CIRBP: variants seen among roughly 807,000 people sequenced by gnomAD.
The protein encoded by CIRBP is cold-inducible RNA-binding protein.
CIRBP carries 11 observed loss-of-function variants against 22.3 expected under a neutral mutation model. The ratio of observed to expected loss-of-function variants is 0.49; its 90% CI spans 0.31 to 0.82. The LOEUF is 0.82. CIRBP is among the 40% of genes least tolerant of loss of function. CIRBP has a pLI of 0.05. For missense variants in CIRBP, 456 were observed against 402.7 expected (o/e 1.13, Z -1.13); for synonymous variants, 216 against 158.8 (o/e 1.36, Z -2.71).
chr19:1,270,251 G>A lies in CIRBP; in HGVS notation c.-6-677G>A, dbSNP rs965910558. 8 of 390,024 alleles carry A rather than the reference G, an allele frequency of 2.1e-5. No individual in the cohort carries two copies. In the East Asian group the frequency reaches 2.9e-4, roughly 14 times the overall value. 24.2% of individuals were successfully genotyped at this position (390,024 alleles called of 1,614,324 possible). ...CAGCCAGCCCCCCCCCCAGTCTCAG[G>A]AGGCATTTTACAGTGAGCAGAAGCA... On this transcript the variant is annotated intron_variant, in intron 1 of 5. Transcript: ENST00000587896.
At position 1,271,739 on chromosome 19, in the gene CIRBP, G is replaced by A. The variant is rs1600024865; in HGVS notation, c.431+107G>A. On this transcript the variant is annotated intron_variant, in intron 5 of 5. Coordinates refer to ENST00000587896, the MANE Select transcript of CIRBP (RefSeq NM_001300829.2). ...TGAGATGAGACTGGCTGGGCAAGGA[G>A]CAGAGGCAGGTGGGGACCCAGGCCA... is the stretch of plus-strand genomic sequence containing the variant. 8 of 800,380 alleles carry A rather than the reference G, an allele frequency of 1.0e-5. No homozygotes were observed. In the East Asian group the frequency reaches 1.6e-4, roughly 16 times the overall value. The allele number at this position is 800,380 out of a possible 1,614,324, so 49.6% of individuals were successfully genotyped here.
rs1255783548 is a variant in CIRBP, at chr19:1,272,140, G to C, written c.591G>C (p.Trp197Cys). 1.2e-6 allele frequency: 2 copies of C among 1,612,610 alleles called. No homozygotes were observed. Among genetic ancestry groups the C allele is most frequent in the Non-Finnish European group, 1.7e-6 (2 of 1,179,690 alleles). ...TLVPSPSTLG[W>C]TLRPCHCACP... The stretch of plus-strand genomic sequence containing the variant: ...TGCCCTCTCCAAGCACTTTAGGCTG[G>C]ACACTCAGACCTTGTCACTGTGCTT... Residue 197 changes from tryptophan to cysteine, a missense_variant, in exon 6 of 6, where the codon TGG (tryptophan) becomes TGC (cysteine). By Grantham distance (215) the Trp-to-Cys change is radical. Transcript: ENST00000587896.
rs768688704 is a variant in CIRBP at position 1,271,312 on chromosome 19, C to G, written c.211-17C>G. ...TGGGGCACCCACCTGCTAACCCGTCCCGCCCTCTGTCTCCAGTCTGTAGAT... is the reference window on the plus strand; with the variant it reads ...TGGGGCACCCACCTGCTAACCCGTCGCGCCCTCTGTCTCCAGTCTGTAGAT... On this transcript the variant is annotated splice_polypyrimidine_tract_variant and intron_variant, in intron 3 of 5. Coordinates refer to ENST00000587896, the MANE Select transcript of CIRBP (RefSeq NM_001300829.2). 2 of 1,613,938 alleles carry G rather than the reference C, an allele frequency of 1.2e-6. No homozygotes were observed. The highest frequency in any genetic ancestry group is 1.7e-6 in the Non-Finnish European group (2 of 1,180,036).
intron 1 of CIRBP, among the ~76,000 whole-genome samples, chr19:1,270,454 G>A (rs957321860): frequency 6.6e-6 from 1 of 152,154 alleles, no homozygotes; most frequent in Non-Finnish European, 1.5e-5. Context: ...GGGGTGGATG[G>A]AGTAAATTAT....
At chr19:1,269,789 G>A (rs1323919038) in intron 1 of CIRBP, 1 of 503,122 alleles carries the variant, frequency 2.0e-6, no homozygotes, top group Non-Finnish European at 4.0e-6. Context: ...CCGGCCTTGG[G>A]GCTGGAGGTA....
At chr19:1,269,618 G>C (rs954035266) in intron 1 of CIRBP, among the ~76,000 whole-genome samples, 1 of 151,436 alleles carries the variant, frequency 6.6e-6, no homozygotes, top group African/African-American at 2.4e-5. Context: ...CCGGCGACCC[G>C]GTTGCCGCCG....
chr19:1,270,242 C>A (rs867956221), intron 1 of CIRBP: 4 of 380,034 alleles, frequency 1.1e-5, no homozygotes, highest in South Asian at 5.6e-5. Flanking sequence ...GCCCCCCCCC[C>A]AGTCTCAGGA....
In CIRBP at chr19:1,272,188, C is replaced by T. The variant is rs550382253; in HGVS notation, c.639C>T (p.Ser213=). 6.9e-6 allele frequency: 11 copies of T among 1,597,618 alleles called. No homozygotes were observed. In the Admixed American group the frequency reaches 8.8e-5, roughly 13 times the overall value. The change falls in exon 6 of 6, where the codon TCC becomes TCT. Residue 213 remains serine, a synonymous_variant. Coordinates refer to ENST00000587896, the MANE Select transcript of CIRBP (RefSeq NM_001300829.2). ...HCACPEEAHL[S]SQSHFYRRTQ... ...CTTGCCCAGAAGAGGCGCATCTGTCCTCTCAGAGCCATTTCTATCGCAGGA... is the reference window on the plus strand; with the variant it reads ...CTTGCCCAGAAGAGGCGCATCTGTCTTCTCAGAGCCATTTCTATCGCAGGA...
rs1321928071 is a variant in CIRBP at position 1,272,061 on chromosome 19, A to G, written c.512A>G (p.His171Arg). Residue 171 changes from histidine (H) to arginine (R), a missense_variant, in exon 6 of 6, where the codon CAC becomes CGC. Coordinates refer to ENST00000587896, the MANE Select transcript of CIRBP (RefSeq NM_001300829.2). Reference sequence around the variant, plus strand: ...AGTTATGACAGTTACGGTAAGTCACACTCCGAGGGCGCCACGCTGCTGTGG... The same window carrying G: ...AGTTATGACAGTTACGGTAAGTCACGCTCCGAGGGCGCCACGCTGCTGTGG... ...RDSYDSYGKS[H>R]SEGATLLWPA... The G allele has an allele frequency of 1.5e-5, 24 of 1,613,834 alleles. No homozygotes were observed. Among genetic ancestry groups the G allele is most frequent in the Non-Finnish European group, 1.9e-5 (23 of 1,179,980 alleles).
At chr19:1,270,868 A>G in intron 1 of CIRBP, 60 bp from the exon 2 acceptor site, 2 of 998,190 alleles carry the variant, frequency 2.0e-6, no homozygotes, top group East Asian at 4.8e-5. Flanking sequence ...ATAAAATAGG[A>G]AGCGGGGAGA....
Position 1,271,045 on chromosome 19 carries a change from G to A in CIRBP, c.103+9G>A, listed in dbSNP as rs754240862. The A allele has an allele frequency of 3.7e-6, 6 of 1,613,436 alleles. No individual in the cohort carries two copies. The South Asian group carries it at 5.5e-5, about 15-fold the overall frequency. ...CGGACAGATCTCTGAAGGTGAGGCT[G>A]CTGCTGGGCCCGCGGCCCTGGGCGG... On this transcript the variant is annotated intron_variant, in intron 2 of 5. Coordinates refer to ENST00000587896, the MANE Select transcript of CIRBP (RefSeq NM_001300829.2).
chr19:1,270,368 C>G, intron 1 of CIRBP: 2 of 349,034 alleles, frequency 5.7e-6, no homozygotes, highest in Non-Finnish European at 1.1e-5. Flanking sequence ...GCAGTCCTGC[C>G]CAGGGCACAA....
chr19:1,269,965 G>A (rs1409430480), intron 1 of CIRBP: 1 of 519,924 alleles, frequency 1.9e-6, no homozygotes, highest in Admixed American at 1.9e-5. Context: ...GGTCCAAGTT[G>A]GCACAGCTCC....
At position 1,272,392 on chromosome 19, in the gene CIRBP, G is replaced by A. The variant is rs376460636; in HGVS notation, c.843G>A (p.Ser281=). 11 of 1,598,686 alleles carry A rather than the reference G, an allele frequency of 6.9e-6. No individual in the cohort carries two copies. The highest frequency in any genetic ancestry group is 3.5e-5 in the Admixed American group (2 of 56,826). The part of the protein sequence containing the change: ...ASGVKLPLVA[S]VPLHCACFLS... ...GGGTGAAGCTGCCTCTTGTTGCTTC[G>A]GTGCCTTTACACTGTGCCTGCTTCT... The change falls in exon 6 of 6, where the codon TCG becomes TCA. Residue 281 remains serine (S), a synonymous_variant. Coordinates refer to ENST00000587896, the MANE Select transcript of CIRBP (RefSeq NM_001300829.2).
chr19:1,271,092 C>T (rs757635594), intron 2 of CIRBP, 48 bp from the exon 3 acceptor site: 15 of 1,610,456 alleles, frequency 9.3e-6, no homozygotes, highest in African/African-American at 4.0e-5. Context: ...CTCCTCCTAC[C>T]TGGAAGTACA....
chr19:1,271,502 T>C (rs1251484983), intron 4 of CIRBP, 35 bp downstream of exon 4: 1 of 1,602,508 alleles, frequency 6.2e-7, no homozygotes, highest in Non-Finnish European at 8.5e-7. Flanking sequence ...GGGGATGCTG[T>C]GAGGTACTGC....
Position 1,272,204 on chromosome 19 carries a change from T to C in CIRBP, c.655T>C (p.Tyr219His). 6.3e-7 allele frequency: 1 copy of C among 1,594,570 alleles called. No homozygotes were observed. Among genetic ancestry groups the C allele is most frequent in the Non-Finnish European group, 8.5e-7 (1 of 1,171,398 alleles). The stretch of plus-strand genomic sequence containing the variant: ...GCATCTGTCCTCTCAGAGCCATTTC[T>C]ATCGCAGGACGCAAAAGCCAAATGA... ...EAHLSSQSHF[Y>H]RRTQKPNETD... Residue 219 changes from tyrosine to histidine, a missense_variant, in exon 6 of 6, where the codon TAT becomes CAT. By Grantham distance (83) the Tyr-to-His change is moderately conservative. This residue lies in a region of CIRBP where 426 missense variants were observed against 339.6 expected (regional missense o/e 1.25). Transcript: ENST00000587896.
chr19:1,274,416 C>A lies in CIRBP; in HGVS notation c.*1973C>A, dbSNP rs1299472664. 7.5e-6 allele frequency: 3 copies of A among 400,038 alleles called. No homozygotes were observed. The highest frequency in any genetic ancestry group is 2.1e-5 in the African/African-American group (1 of 48,686). The allele number at this position is 400,038 out of a possible 1,614,324, so 24.8% of individuals were successfully genotyped here. A position where few individuals can be genotyped will look rare whatever the true frequency, so the allele number is the denominator to read the frequency against. Reference sequence around the variant, plus strand: ...ACCTGGAACAAGAGCTGGAGGCAGCCGCTTGCCCAGGAGGCTTGTCCCCTG... The same window carrying A: ...ACCTGGAACAAGAGCTGGAGGCAGCAGCTTGCCCAGGAGGCTTGTCCCCTG... On this transcript the variant is annotated 3_prime_UTR_variant, in exon 6 of 6. Coordinates refer to ENST00000587896, the MANE Select transcript of CIRBP (RefSeq NM_001300829.2).
intron 1 of CIRBP, chr19:1,270,300 A>G (rs989462201): frequency 5.5e-6 from 2 of 362,038 alleles, no homozygotes; most frequent in Non-Finnish European, 1.1e-5. Flanking sequence ...CAACAAGTAG[A>G]TGTCAGTTGG....
Sources: gnomAD v4.1 joint callset for allele counts (sites outside exome capture counted in the v4.1 genomes callset) on GRCh38, gnomAD v4.1.1 for gene constraint, gnomAD v4.1.1 regional missense constraint, MANE v1.5 for transcripts, NCBI Gene and HGNC (gene_info 2026-07-23, HGNC 2026-07-21) for gene names.